The following GATA4 variants were observed in gnomAD, a reference collection of about 807,000 sequenced individuals.
GATA4 encodes GATA binding protein 4, also known as transcription factor GATA-4.
A neutral mutation model predicts 37.9 loss-of-function variants in GATA4; 7 were observed. The ratio of observed to expected loss-of-function variants is 0.18; its 90% CI spans 0.11 to 0.35. The LOEUF is 0.35. Among genes scored for constraint, GATA4 ranks in the 10% least tolerant of loss-of-function variants. The probability of loss-of-function intolerance (pLI) is 1.00; values close to 1 mark genes in which losing one functional copy is unlikely to be tolerated. For missense variants in GATA4, 647 were observed against 653.0 expected (o/e 0.99, Z 0.10); for synonymous variants, 372 against 292.6 (o/e 1.27, Z -2.77).
intron 1 of GATA4, among the ~76,000 whole-genome samples, chr8:11,679,359 G>T (rs973424485): frequency 6.6e-6 from 1 of 151,952 alleles, no homozygotes; most frequent in Non-Finnish European, 1.5e-5. Flanking sequence ...CTTAAAGGGG[G>T]CTCGCGCCGC....
intron 1 of GATA4, among the ~76,000 whole-genome samples, chr8:11,686,175 C>G (rs1254305154): frequency 6.7e-6 from 1 of 150,308 alleles, no homozygotes; most frequent in Admixed American, 6.6e-5. Flanking sequence ...GAGATCCCAC[C>G]ATAAACTTAG....
At chr8:11,690,018 C>A (rs1799259477), upstream of GATA4, among the ~76,000 whole-genome samples, 1 of 152,214 alleles carries the variant, frequency 6.6e-6, no homozygotes, top group Non-Finnish European at 1.5e-5. Context: ...GCCTCTTCTG[C>A]AAAATGAGTG....
chr8:11,689,153 T>C (rs750989832), upstream of GATA4, among the ~76,000 whole-genome samples: 138 of 152,104 alleles, frequency 9.1e-4, no homozygotes, highest in Non-Finnish European at 1.6e-3. Flanking sequence ...CAATTCACTG[T>C]CCCTCCCCAG....
Position 11,684,329 on chromosome 8 carries a change from G to C in GATA4, c.-274+7266G>C, listed in dbSNP as rs531541931. 5.7e-4 allele frequency among the ~76,000 whole-genome samples: 87 copies of C among 152,336 alleles called. No homozygotes were observed. In the East Asian group the frequency reaches 0.014, roughly 24 times the overall value. ...ACACCTACAAGCTGGGTGACCTTGA[G>C]TAAGTTATTTCACTTCTATTTCTAG... On this transcript the variant is annotated intron_variant, in intron 1 of 6. Coordinates refer to the GATA4 transcript ENST00000528712.
At chr8:11,741,161 T>G (rs1007054726) in intron 2 of GATA4, among the ~76,000 whole-genome samples, 1 of 152,198 alleles carries the variant, frequency 6.6e-6, no homozygotes, top group African/African-American at 2.4e-5. Flanking sequence ...TTCACCACCA[T>G]ACTTTTGTTT....
At chr8:11,686,979 CAG>C (rs1795643191) in intron 1 of GATA4, among the ~76,000 whole-genome samples, 1 of 149,700 alleles carries the variant, frequency 6.7e-6, no homozygotes, top group Non-Finnish European at 1.5e-5. Flanking sequence ...GCCTGGGTGA[CAG>C]AGTGAGAATC....
At chr8:11,690,764 C>T (rs546333393), upstream of GATA4, among the ~76,000 whole-genome samples, 88 of 152,278 alleles carry the variant, frequency 5.8e-4, 2 homozygotes, top group Admixed American at 3.5e-3. Flanking sequence ...CTCGCTACTC[C>T]GGAGGCCGAG....
At chr8:11,729,555 C>CAAAA (rs58397100) in intron 2 of GATA4, among the ~76,000 whole-genome samples, 5 of 139,754 alleles carry the variant, frequency 3.6e-5, no homozygotes, top group Admixed American at 7.1e-5. Context: ...GACTGTGTCT[C>CAAAA]AAAAAAAAAA....
rs573202801 is a variant in GATA4, at chr8:11,758,479, T to G, written c.*4T>G. On this transcript the variant is annotated 3_prime_UTR_variant, in exon 7 of 7. Coordinates refer to ENST00000532059, the MANE Select transcript of GATA4 (RefSeq NM_001308093.3). ...CGGGGACATAATCACTGCGTAATCT[T>G]CCCTCTTCCCTCCTCAAATTCCTGC... 3 of 1,613,834 alleles carry G rather than the reference T, an allele frequency of 1.9e-6. No homozygotes were observed. Among genetic ancestry groups the G allele is most frequent in the Non-Finnish European group, 2.5e-6 (3 of 1,179,890 alleles).
At chr8:11,711,474 T>G (rs955201114) in intron 2 of GATA4, among the ~76,000 whole-genome samples, 1 of 151,862 alleles carries the variant, frequency 6.6e-6, no homozygotes, top group African/African-American at 2.4e-5. Flanking sequence ...TAAAAGCAAC[T>G]GAAATTAAAA....
chr8:11,692,920 G>A (rs1265155861), intron 1 of GATA4: 7 of 984,324 alleles, frequency 7.1e-6, no homozygotes, highest in East Asian at 1.1e-4. Context: ...CTGGGGTTCC[G>A]CGGCGGCCGT....
chr8:11,702,655 C>T (rs1799721829), upstream of GATA4, among the ~76,000 whole-genome samples: 2 of 151,284 alleles, frequency 1.3e-5, 1 homozygote, highest in South Asian at 4.2e-4. This position sits in a 1 kb window ranked among gnomAD's most constrained non-coding sequence, Gnocchi z 4.4. Flanking sequence ...GGCGCCAATT[C>T]TGCTAAGTAG....
In GATA4 at chr8:11,758,795, T is replaced by G; in HGVS notation, c.*320T>G. 2 of 400,512 alleles carry G rather than the reference T, an allele frequency of 5.0e-6. No homozygotes were observed. The highest frequency in any genetic ancestry group is 4.4e-5 in the South Asian group (2 of 45,388). The allele number at this position is 400,512 out of a possible 1,614,324, so 24.8% of individuals were successfully genotyped here. A position where few individuals can be genotyped will look rare whatever the true frequency, so the allele number is the denominator to read the frequency against. ...CCACTGTGGCCTAGACCGTGGGTTT[T>G]GCATTGTGTTTCTAGCACCGAGGAT... is the stretch of plus-strand genomic sequence containing the variant. On this transcript the variant is annotated 3_prime_UTR_variant, in exon 7 of 7. Transcript: ENST00000532059.
At position 11,708,391 on chromosome 8, in the gene GATA4, A is replaced by G; in HGVS notation, c.79A>G (p.Met27Val). 1.3e-6 allele frequency: 2 copies of G among 1,547,588 alleles called. No individual in the cohort carries two copies. The highest frequency in any genetic ancestry group is 1.7e-6 in the Non-Finnish European group (2 of 1,153,588). ...AYEAGGPGAF[M>V]HGAGAASSPV... Reference sequence around the variant, plus strand: ...CGAGGCGGGCGGCCCCGGCGCCTTCATGCACGGCGCGGGCGCCGCGTCCTC... The same window carrying G: ...CGAGGCGGGCGGCCCCGGCGCCTTCGTGCACGGCGCGGGCGCCGCGTCCTC... Residue 27 changes from methionine to valine, a missense_variant, in exon 2 of 7, where the codon ATG (methionine) becomes GTG (valine). Met to Val is a conservative substitution (Grantham distance 21, BLOSUM62 1). Around this residue, in one of 5 missense-constraint regions of GATA4, gnomAD observed 379 missense variants for 334.5 expected, o/e 1.13. Transcript: ENST00000532059. The surrounding 1 kb of genome is among the most constrained non-coding windows in gnomAD (Gnocchi z 6.7).
chr8:11,705,818 A>AT (rs1165497878), intron 1 of GATA4: 3 of 152,270 alleles, frequency 2.0e-5, no homozygotes, highest in South Asian at 4.1e-4. Context: ...GATTGATGAC[A>AT]TTTTTTGCAT....
At chr8:11,743,023 C>A (rs75385343) in intron 2 of GATA4, among the ~76,000 whole-genome samples, 1 of 152,190 alleles carries the variant, frequency 6.6e-6, no homozygotes, top group South Asian at 2.1e-4. Flanking sequence ...TCTCCTTGGC[C>A]CCCTCTGGCC....
chr8:11,740,140 A>G (rs896186528), intron 2 of GATA4, among the ~76,000 whole-genome samples: 12 of 152,202 alleles, frequency 7.9e-5, no homozygotes, highest in African/African-American at 2.7e-4. Context: ...CAGGAGCTGC[A>G]GGACCCAGTG....
chr8:11,701,566 G>A (rs1287378774), upstream of GATA4, among the ~76,000 whole-genome samples: 1 of 152,128 alleles, frequency 6.6e-6, no homozygotes, highest in Non-Finnish European at 1.5e-5. Flanking sequence ...GCAGGCTCCC[G>A]CTTGGCCCAA....
At chr8:11,688,515 T>G (rs1370559882), upstream of GATA4, among the ~76,000 whole-genome samples, 1 of 124,920 alleles carries the variant, frequency 8.0e-6, no homozygotes, top group African/African-American at 2.7e-5. Flanking sequence ...TGCATGCGCG[T>G]GCGCGCATGC....
Sources: gnomAD v4.1 joint callset for allele counts (sites outside exome capture counted in the v4.1 genomes callset) on GRCh38, gnomAD v4.1.1 for gene constraint, gnomAD v4.1.1 regional missense constraint, Gnocchi (gnomAD v3.1) non-coding constraint, MANE v1.5 for transcripts, NCBI Gene and HGNC (gene_info 2026-07-23, HGNC 2026-07-21) for gene names.